The following MEI1 variants were observed in gnomAD, a reference collection of about 807,000 sequenced individuals.
The protein encoded by MEI1 is meiosis inhibitor protein 1.
Under a neutral mutation model 146.2 loss-of-function variants are expected in MEI1, and 103 were observed. The ratio of observed to expected loss-of-function variants is 0.70; its 90% CI spans 0.60 to 0.83. The LOEUF (loss-of-function observed/expected upper bound fraction) is 0.83, where lower values mean the gene tolerates loss of function less well. Ranked by LOEUF, MEI1 falls within the 40% of genes least tolerant of loss-of-function variation. The pLI is 0.00. For missense variants in MEI1, 1,529 were observed against 1,533.0 expected, an observed-to-expected ratio of 1.00 and a Z score of 0.04; for synonymous variants, 652 against 628.2, an observed-to-expected ratio of 1.04 and a Z score of -0.57.
intron 18 of MEI1, among the ~76,000 whole-genome samples, chr22:41,760,623 G>A (rs575069892): frequency 6.6e-6 from 1 of 152,280 alleles, no homozygotes; most frequent in East Asian, 1.9e-4. Flanking sequence ...ATTCAGCTGG[G>A]AGCATTGGCA....
chr22:41,724,804 T>G (rs946771942), intron 7 of MEI1, among the ~76,000 whole-genome samples: 1 of 126,388 alleles, frequency 7.9e-6, no homozygotes, highest in Admixed American at 7.6e-5. Context: ...TTGTAAATTC[T>G]TTTTTTTTTT....
At chr22:41,757,389 C>T (rs139789649) in intron 17 of MEI1, among the ~76,000 whole-genome samples, 9 of 152,040 alleles carry the variant, frequency 5.9e-5, no homozygotes, top group African/African-American at 1.2e-4. Context: ...TGGAGTTTCG[C>T]GCTTGTCATT....
intron 4 of MEI1, among the ~76,000 whole-genome samples, chr22:41,715,502 TCTC>T (rs1162650545): frequency 6.6e-6 from 1 of 151,778 alleles, no homozygotes; most frequent in Non-Finnish European, 1.5e-5. Context: ...TTCACGCCAT[TCTC>T]CTGCCTCAGC....
In MEI1 at chr22:41,730,569, C is replaced by T. The variant is rs374534859; in HGVS notation, c.1028C>T (p.Ser343Phe). 8.1e-6 allele frequency: 13 copies of T among 1,613,780 alleles called. No individual in the cohort carries two copies. Among genetic ancestry groups the T allele is most frequent in the Non-Finnish European group, 1.1e-5 (13 of 1,179,822 alleles). Residue 343 changes from serine (S) to phenylalanine (F), a missense_variant, in exon 9 of 31, where the codon TCC (serine) becomes TTC (phenylalanine). Around this residue, in one of 3 missense-constraint regions of MEI1, gnomAD observed 1,212 missense variants for 1,178.9 expected, o/e 1.03. Transcript: ENST00000401548. ...TCTTCCAGTGAAGTGCTCGTCTGGT[C>T]CAGCTGTAACTGCTTGACACTCCTG... ...LSSSSEVLVW[S>F]SCNCLTLLVE...
chr22:41,793,046 T>C (rs1158608444), intron 26 of MEI1, among the ~76,000 whole-genome samples: 90 of 133,298 alleles, frequency 6.8e-4, no homozygotes, highest in African/African-American at 2.4e-3. Flanking sequence ...TTTTTTTTTT[T>C]TTTTTTTTTT....
chr22:41,782,555 T>C (rs923242836), intron 24 of MEI1, among the ~76,000 whole-genome samples: 2 of 152,200 alleles, frequency 1.3e-5, no homozygotes, highest in African/African-American at 4.8e-5. Flanking sequence ...ATGGAAACCA[T>C]CTGCTAGCCT....
chr22:41,756,395 C>T (rs2074095812), intron 17 of MEI1, among the ~76,000 whole-genome samples: 1 of 151,944 alleles, frequency 6.6e-6, no homozygotes, highest in Non-Finnish European at 1.5e-5. Context: ...CCTTGGACTC[C>T]AAAGTGCTAG....
chr22:41,783,026 CT>C (rs2075821230), intron 24 of MEI1, among the ~76,000 whole-genome samples: 1 of 152,118 alleles, frequency 6.6e-6, no homozygotes, highest in Non-Finnish European at 1.5e-5. Context: ...CTTCAGCAGC[CT>C]TTTTGTCCTC....
Position 41,703,389 on chromosome 22 carries a change from C to G in MEI1, c.233C>G (p.Ser78Cys). Residue 78 changes from serine (S) to cysteine (C), a missense_variant, in exon 2 of 31, where the codon TCC becomes TGC. Physicochemically the swap from Ser to Cys is moderately radical, Grantham distance 112. This residue lies in a region of MEI1 where 1,212 missense variants were observed against 1,178.9 expected (regional missense o/e 1.03). Transcript: ENST00000401548. ...CFQDALVRHTSLVTQLVSQDQ... is the reference protein window; with the variant it reads ...CFQDALVRHTCLVTQLVSQDQ... ...CAAGATGCCCTTGTGAGGCATACCT[C>G]CCTGGTCACGCAACTGGTGTCTCAG... 2 of 1,611,244 alleles carry G rather than the reference C, an allele frequency of 1.2e-6. No individual in the cohort carries two copies. The highest frequency in any genetic ancestry group is 1.7e-6 in the Non-Finnish European group (2 of 1,178,684).
In MEI1 at chr22:41,770,690, T is replaced by A. The variant is rs370618132; in HGVS notation, c.2273T>A (p.Met758Lys). ...QDKDNTLRETMVSAIRKFLEG... is the reference protein window; with the variant it reads ...QDKDNTLRETKVSAIRKFLEG... Reference sequence around the variant, plus strand: ...CTTTCTTTGTTTTGCCTCCAGACTATGGTCAGTGCAATCAGAAAATTCCTA... The same window carrying A: ...CTTTCTTTGTTTTGCCTCCAGACTAAGGTCAGTGCAATCAGAAAATTCCTA... The change falls in exon 20 of 31, where the codon ATG becomes AAG. Residue 758 changes from methionine to lysine, a missense_variant. This residue lies in a region of MEI1 where 1,212 missense variants were observed against 1,178.9 expected (regional missense o/e 1.03). Transcript: ENST00000401548. The A allele has an allele frequency of 6.2e-7, 1 of 1,613,288 alleles. No homozygotes were observed. The highest frequency in any genetic ancestry group is 8.5e-7 in the Non-Finnish European group (1 of 1,179,638).
intron 6 of MEI1, among the ~76,000 whole-genome samples, chr22:41,720,911 A>G (rs1036712332): frequency 4.6e-5 from 7 of 151,890 alleles, no homozygotes; most frequent in African/African-American, 1.7e-4. Context: ...AGCTGGGACT[A>G]CAGGTGCTTG....
In MEI1 at chr22:41,716,046, T is replaced by C; in HGVS notation, c.429T>C (p.Cys143=). 1 of 1,607,144 alleles carries C rather than the reference T, an allele frequency of 6.2e-7. No homozygotes were observed. The highest frequency in any genetic ancestry group is 8.5e-7 in the Non-Finnish European group (1 of 1,176,498). ...CLLDECHKEL[C]NMPSMRGSLA... Reference sequence around the variant, plus strand: ...AGCATATTCACTTTCTGTAGCTGTGTAACATGCCCTCCATGCGAGGCAGCC... The same window carrying C: ...AGCATATTCACTTTCTGTAGCTGTGCAACATGCCCTCCATGCGAGGCAGCC... The change falls in exon 5 of 31, where the codon TGT becomes TGC. Residue 143 remains cysteine (C), a synonymous_variant. Coordinates refer to ENST00000401548, the MANE Select transcript of MEI1 (RefSeq NM_152513.4).
At chr22:41,731,158 A>G (rs1355728117) in intron 9 of MEI1, among the ~76,000 whole-genome samples, 1 of 143,428 alleles carries the variant, frequency 7.0e-6, no homozygotes, top group African/African-American at 2.6e-5. Flanking sequence ...GGTTCAAGCA[A>G]TTCTCCTGCC....
In MEI1 at chr22:41,773,472, G is replaced by A. The variant is rs370108547; in HGVS notation, c.2544+2511G>A. On this transcript the variant is annotated intron_variant, in intron 20 of 30. Transcript: ENST00000401548. ...CAGAGAAGCTAATTGAATTGCCCAA[G>A]GTCATATAGTTAATAAGGGTCATGG... Among the ~76,000 whole-genome samples the A allele has an allele frequency of 2.4e-3, 354 of 150,580 alleles. 13 individuals are homozygous for A. The South Asian group carries it at 0.073, about 31-fold the overall frequency.
At chr22:41,785,865 A>G (rs947160738) in intron 26 of MEI1, among the ~76,000 whole-genome samples, 1 of 142,820 alleles carries the variant, frequency 7.0e-6, no homozygotes, top group Non-Finnish European at 1.5e-5. Flanking sequence ...CACCCGGCCT[A>G]TTTTTATTTT....
Position 41,748,151 on chromosome 22 carries a change from C to T in MEI1, c.1725C>T (p.Phe575=), listed in dbSNP as rs763267941. 3 of 1,613,944 alleles carry T rather than the reference C, an allele frequency of 1.9e-6. No individual in the cohort carries two copies. The highest frequency in any genetic ancestry group is 2.5e-6 in the Non-Finnish European group (3 of 1,179,868). Residue 575 remains phenylalanine (F), a synonymous_variant, in exon 15 of 31, where the codon TTC becomes TTT. Transcript: ENST00000401548. ...QTTHPALMEV[F]LSILHNLFVI... is the part of the protein sequence containing the mutation. ...CCCACCCAGCTTTGATGGAAGTTTT[C>T]CTCTCAATTCTACATAACCTCTTTG...
At chr22:41,751,606 C>G (rs1028333876) in intron 15 of MEI1, among the ~76,000 whole-genome samples, 22 of 151,844 alleles carry the variant, frequency 1.4e-4, no homozygotes, top group Admixed American at 2.6e-4. Flanking sequence ...AACCCTGTCT[C>G]TACTAAAAAT....
chr22:41,799,246 G>T lies in MEI1; in HGVS notation c.3780-8G>T. 2 of 1,612,950 alleles carry T rather than the reference G, an allele frequency of 1.2e-6. No homozygotes were observed. Among genetic ancestry groups the T allele is most frequent in the African/African-American group, 1.3e-5 (1 of 74,936 alleles). ...CTCTGCTGTTTTCCTCTCATGTTTT[G>T]CTGCCAGCTGCCTGGGAGGGGTGGC... On this transcript the variant is annotated splice_region_variant and splice_polypyrimidine_tract_variant and intron_variant, in intron 30 of 30. Coordinates refer to ENST00000401548, the MANE Select transcript of MEI1 (RefSeq NM_152513.4).
chr22:41,794,117 A>C (rs2076284709), intron 27 of MEI1, among the ~76,000 whole-genome samples: 1 of 152,236 alleles, frequency 6.6e-6, no homozygotes, highest in South Asian at 2.1e-4. Context: ...TGCCCAACCA[A>C]GGTCACAATG....
Sources: gnomAD v4.1 joint callset for allele counts (sites outside exome capture counted in the v4.1 genomes callset) on GRCh38, gnomAD v4.1.1 for gene constraint, gnomAD v4.1.1 regional missense constraint, MANE v1.5 for transcripts, NCBI Gene and HGNC (gene_info 2026-07-23, HGNC 2026-07-21) for gene names.